PRKACB: variants seen among roughly 807,000 people sequenced by gnomAD.
PRKACB encodes cAMP-dependent protein kinase catalytic subunit beta.
Under a neutral mutation model 51.4 loss-of-function variants are expected in PRKACB, and 16 were observed. The ratio of observed to expected loss-of-function variants is 0.31; its 90% CI spans 0.21 to 0.47. The LOEUF is 0.47. Ranked by LOEUF, PRKACB falls within the 20% of genes least tolerant of loss-of-function variation. The pLI is 1.00. For synonymous variants in PRKACB, 147 were observed against 154.4 expected, an observed-to-expected ratio of 0.95 and a Z score of 0.35; for missense variants, 309 against 464.5, an observed-to-expected ratio of 0.67 and a Z score of 3.08.
rs1009167927 is a variant in PRKACB at position 84,138,284 on chromosome 1, G to A, written c.47-40893G>A. Reference sequence around the variant, plus strand: ...TATCAAAGGGACATAGGAGGAAGTTGATGGAGCTTCCCATGGTCAAAATGG... The same window carrying A: ...TATCAAAGGGACATAGGAGGAAGTTAATGGAGCTTCCCATGGTCAAAATGG... On this transcript the variant is annotated intron_variant, in intron 1 of 8. Coordinates refer to the PRKACB transcript ENST00000370688. Among the ~76,000 whole-genome samples, 9 of 152,258 alleles carry A rather than the reference G, an allele frequency of 5.9e-5. No homozygotes were observed. In the East Asian group the frequency reaches 1.7e-3, roughly 29 times the overall value.
At chr1:84,079,967 A>G (rs1399566071) in intron 1 of PRKACB, among the ~76,000 whole-genome samples, 1 of 152,144 alleles carries the variant, frequency 6.6e-6, no homozygotes, top group Non-Finnish European at 1.5e-5. Context: ...TGCGTGACCT[A>G]TGTTGTCTTT....
rs193270970 is a variant in PRKACB, at chr1:84,194,850, A to G, written c.561-1766A>G. Among the ~76,000 whole-genome samples the G allele has an allele frequency of 2.6e-3, 401 of 152,254 alleles. 1 individual carries two copies. The highest frequency in any genetic ancestry group is 4.2e-3 in the Non-Finnish European group (286 of 68,024). On this transcript the variant is annotated intron_variant, in intron 5 of 9. Transcript: ENST00000370685. ...CTACTCGGTAGACTGAGGTGGGAAGATTGCATGAGCCCAAGAGTTTGAGGC... is the reference window on the plus strand; with the variant it reads ...CTACTCGGTAGACTGAGGTGGGAAGGTTGCATGAGCCCAAGAGTTTGAGGC...
intron 1 of PRKACB, among the ~76,000 whole-genome samples, chr1:84,102,718 T>C (rs1386460913): frequency 6.6e-6 from 1 of 152,168 alleles, no homozygotes; most frequent in Non-Finnish European, 1.5e-5. Flanking sequence ...GCTGAAAAGC[T>C]ACTCACCTCT....
At chr1:84,177,606 G>A (rs1661741862) in intron 1 of PRKACB, among the ~76,000 whole-genome samples, 1 of 151,924 alleles carries the variant, frequency 6.6e-6, no homozygotes, top group Non-Finnish European at 1.5e-5. Context: ...GCCAGACTTG[G>A]TGGTGCACAT....
chr1:84,188,316 T>C (rs1386937855), intron 5 of PRKACB, among the ~76,000 whole-genome samples: 8 of 151,938 alleles, frequency 5.3e-5, no homozygotes, highest in Non-Finnish European at 1.2e-4. Context: ...TATTTTCATA[T>C]ACTCATCTTT....
intron 1 of PRKACB, among the ~76,000 whole-genome samples, chr1:84,126,502 C>T (rs897293477): frequency 6.6e-6 from 1 of 152,094 alleles, no homozygotes; most frequent in Admixed American, 6.5e-5. Context: ...TCTCCTCTGC[C>T]ACTCTGCCAC....
intron 8 of PRKACB, among the ~76,000 whole-genome samples, chr1:84,207,605 A>C (rs143882024): frequency 6.6e-6 from 1 of 152,324 alleles, no homozygotes; most frequent in East Asian, 1.9e-4. Flanking sequence ...AATTTATCTC[A>C]ACATGCTCGT....
intron 1 of PRKACB, among the ~76,000 whole-genome samples, chr1:84,116,748 C>T (rs1031754671): frequency 2.6e-5 from 4 of 152,090 alleles, no homozygotes; most frequent in Non-Finnish European, 2.9e-5. Context: ...GGTATAAGAT[C>T]ATATCATCAG....
At chr1:84,193,106 A>C (rs1435772581) in intron 5 of PRKACB, among the ~76,000 whole-genome samples, 1 of 152,138 alleles carries the variant, frequency 6.6e-6, no homozygotes, top group Non-Finnish European at 1.5e-5. Context: ...CCTCCCCAAC[A>C]GGAGATCAGT....
At chr1:84,207,689 A>T (rs188346582) in intron 8 of PRKACB, among the ~76,000 whole-genome samples, 22 of 152,294 alleles carry the variant, frequency 1.4e-4, no homozygotes, top group African/African-American at 5.1e-4. Context: ...TAATAATTTT[A>T]TCCTGATTCA....
chr1:84,095,740 A>G (rs1034591047), intron 1 of PRKACB, among the ~76,000 whole-genome samples: 2 of 151,794 alleles, frequency 1.3e-5, no homozygotes, highest in Admixed American at 6.6e-5. Context: ...TTTCTTTCCT[A>G]TTCTTCTGAG....
intron 1 of PRKACB, among the ~76,000 whole-genome samples, chr1:84,169,817 G>T (rs1181418503): frequency 6.6e-6 from 1 of 151,476 alleles, no homozygotes; most frequent in African/African-American, 2.4e-5. Context: ...AATACATCCT[G>T]GTGAGCATTT....
At chr1:84,122,394 T>G (rs1651157501) in intron 1 of PRKACB, among the ~76,000 whole-genome samples, 1 of 152,180 alleles carries the variant, frequency 6.6e-6, no homozygotes, top group Non-Finnish European at 1.5e-5. Flanking sequence ...GTTTCTCAGT[T>G]GAGGGTTTAT....
upstream of PRKACB, among the ~76,000 whole-genome samples, chr1:84,139,984 C>T (rs911183051): frequency 1.3e-5 from 2 of 152,056 alleles, no homozygotes; most frequent in East Asian, 3.9e-4. Context: ...AGCTTGAACC[C>T]AGGAGGCGGA....
intron 1 of PRKACB, among the ~76,000 whole-genome samples, chr1:84,100,536 T>TCA (rs1280986585): frequency 6.6e-6 from 1 of 152,178 alleles, no homozygotes; most frequent in East Asian, 1.9e-4. Flanking sequence ...GAAGATAAGA[T>TCA]CACACATTTA....
chr1:84,222,868 C>G (rs887898376), intron 9 of PRKACB, among the ~76,000 whole-genome samples: 3 of 152,146 alleles, frequency 2.0e-5, no homozygotes, highest in Non-Finnish European at 2.9e-5. Flanking sequence ...AGGGTCTCCC[C>G]TGAGAAATCC....
chr1:84,176,426 A>G (rs1661278341), intron 1 of PRKACB, among the ~76,000 whole-genome samples: 1 of 151,848 alleles, frequency 6.6e-6, no homozygotes, highest in African/African-American at 2.4e-5. Flanking sequence ...TAGATTGCTT[A>G]TTGTTTTAGG....
intron 9 of PRKACB, among the ~76,000 whole-genome samples, chr1:84,228,395 T>C (rs190669070): frequency 6.6e-6 from 1 of 152,340 alleles, no homozygotes; most frequent in Non-Finnish European, 1.5e-5. Context: ...CAATCGACTC[T>C]TTTATAATCT....
intron 1 of PRKACB, among the ~76,000 whole-genome samples, chr1:84,145,432 T>C (rs2100605009): frequency 6.6e-6 from 1 of 152,262 alleles, no homozygotes; most frequent in South Asian, 2.1e-4. Context: ...TTTCTGTTTA[T>C]GTATTTGGTA....
Sources: allele counts gnomAD v4.1 joint callset (sites outside exome capture counted in the v4.1 genomes callset), GRCh38; gene constraint gnomAD v4.1.1; transcripts MANE v1.5; gene names NCBI Gene and HGNC (gene_info 2026-07-23, HGNC 2026-07-21).